The following PRPF18 variants were observed in gnomAD, a reference collection of about 807,000 sequenced individuals.
PRPF18 encodes pre-mRNA-splicing factor 18.
Under a neutral mutation model 46.5 loss-of-function variants are expected in PRPF18, and 38 were observed. The observed-to-expected ratio is 0.82, with a 90% CI of 0.63 to 1.07. The LOEUF is 1.07. PRPF18 is among the 50% of genes least tolerant of loss of function. The pLI, the probability that PRPF18 is intolerant of heterozygous loss-of-function variation, is 0.00. For synonymous variants in PRPF18, 152 were observed against 146.7 expected, an observed-to-expected ratio of 1.04 and a Z score of -0.26; for missense variants, 263 against 410.0, an observed-to-expected ratio of 0.64 and a Z score of 3.10.
chr10:13,636,034 A>G, the PRPF18 span, among the ~76,000 whole-genome samples: 99 of 152,350 alleles, frequency 6.5e-4, no homozygotes, highest in Non-Finnish European at 1.1e-3. Flanking sequence ...AATTGGCAGT[A>G]TGTATAGCTG....
chr10:13,594,803 T>A (rs2080010987), intron 1 of PRPF18, among the ~76,000 whole-genome samples: 1 of 152,250 alleles, frequency 6.6e-6, no homozygotes, highest in South Asian at 2.1e-4. Flanking sequence ...TGTTTTCTTT[T>A]AGCTTTAAGC....
Position 13,608,784 on chromosome 10 carries a change from C to T in PRPF18, c.364-1255C>T, listed in dbSNP as rs115734221. Among the ~76,000 whole-genome samples, 270 of 152,264 alleles carry T rather than the reference C, an allele frequency of 1.8e-3. 1 individual carries two copies. The highest frequency in any genetic ancestry group is 6.0e-3 in the African/African-American group (248 of 41,544). ...TACCTTTGTATGCCAAGTCCTGTGC[C>T]GTGCATCTAGAGGTTTTGAGGACAA... On this transcript the variant is annotated intron_variant, in intron 4 of 9. Transcript: ENST00000378572.
intron 9 of PRPF18, among the ~76,000 whole-genome samples, chr10:13,628,527 A>G (rs1172915468): frequency 1.3e-5 from 2 of 152,198 alleles, no homozygotes; most frequent in Non-Finnish European, 2.9e-5. Context: ...TAGTTATTAT[A>G]TGATATTTAT....
the PRPF18 span, chr10:13,649,602 C>T: frequency 1.3e-5 from 2 of 152,188 alleles, no homozygotes; most frequent in Non-Finnish European, 2.9e-5. Flanking sequence ...ATGTTTTATA[C>T]AGAATCTTTC....
At chr10:13,636,348 G>A in the PRPF18 span, among the ~76,000 whole-genome samples, 1 of 152,204 alleles carries the variant, frequency 6.6e-6, no homozygotes, top group Non-Finnish European at 1.5e-5. Flanking sequence ...GAGCCCAGGA[G>A]GTCGAGGCTG....
chr10:13,591,914 C>T (rs370018375), intron 1 of PRPF18: 24 of 1,375,800 alleles, frequency 1.7e-5, no homozygotes, highest in East Asian at 3.9e-5. Flanking sequence ...AGTTTTCTCA[C>T]GTGTCAACTG....
chr10:13,611,482 A>G, intron 5 of PRPF18, 133 bp from the exon 6 acceptor site: 1 of 696,992 alleles, frequency 1.4e-6, no homozygotes, highest in South Asian at 2.0e-5. Context: ...TTATCTAGAA[A>G]TTCCATCCGA....
chr10:13,653,733 A>C, the PRPF18 span: 1 of 149,632 alleles, frequency 6.7e-6, no homozygotes, highest in Admixed American at 6.6e-5. Context: ...GGGGCAACAG[A>C]AGAGGCAGGT....
downstream of PRPF18, chr10:13,632,433 A>AT (rs1182025821): frequency 3.3e-5 from 5 of 152,170 alleles, no homozygotes; most frequent in African/African-American, 1.2e-4. Context: ...AGCAATCTAG[A>AT]TTTTTTATAT....
At chr10:13,644,986 T>C in the PRPF18 span, 1 of 152,244 alleles carries the variant, frequency 6.6e-6, no homozygotes, top group Non-Finnish European at 1.5e-5. Flanking sequence ...CAGCCATGCA[T>C]GGAGCTGGGG....
At chr10:13,587,967 C>G (rs932753893) in intron 1 of PRPF18, among the ~76,000 whole-genome samples, 2 of 152,156 alleles carry the variant, frequency 1.3e-5, no homozygotes, top group Non-Finnish European at 2.9e-5. Context: ...AAACCCGAGG[C>G]TTTGTTTGTT....
At chr10:13,606,794 T>C (rs1048604588) in intron 4 of PRPF18, among the ~76,000 whole-genome samples, 1 of 149,574 alleles carries the variant, frequency 6.7e-6, no homozygotes, top group Non-Finnish European at 1.5e-5. Context: ...CTTATGCAGA[T>C]CTTTTTTTGG....
Position 13,611,623 on chromosome 10 carries a change from A to C in PRPF18, c.519A>C (p.Gly173=), listed in dbSNP as rs757821818. 4.3e-6 allele frequency: 7 copies of C among 1,613,698 alleles called. No homozygotes were observed. In the Admixed American group the frequency reaches 1.2e-4, roughly 27 times the overall value. ...NTTIEELEAL[G]ESLGKGDDHK... ...TGTTTCTTTTTCTTCAGGCGCTTGG[A>C]GAGTCCTTAGGGAAAGGCGATGATC... The change falls in exon 6 of 10, where the codon GGA becomes GGC. Residue 173 remains glycine (G), a synonymous_variant. Transcript: ENST00000378572.
chr10:13,603,784 C>T (rs2080148360), intron 3 of PRPF18, among the ~76,000 whole-genome samples: 1 of 152,100 alleles, frequency 6.6e-6, no homozygotes, highest in Non-Finnish European at 1.5e-5. Context: ...TCTACATTAC[C>T]ACATGTTTAT....
intron 1 of PRPF18, among the ~76,000 whole-genome samples, chr10:13,590,435 A>G (rs2079941700): frequency 7.8e-6 from 1 of 128,836 alleles, no homozygotes; most frequent in Non-Finnish European, 1.7e-5. Context: ...ATCTCTACTG[A>G]AAATACAAAA....
At chr10:13,629,600 A>C (rs1419999783) in intron 9 of PRPF18, among the ~76,000 whole-genome samples, 1 of 152,234 alleles carries the variant, frequency 6.6e-6, no homozygotes, top group East Asian at 1.9e-4. Context: ...TGCATTTCTA[A>C]GTAATACATT....
At chr10:13,592,309 T>C in intron 1 of PRPF18, 1 of 393,088 alleles carries the variant, frequency 2.5e-6, no homozygotes, top group Non-Finnish European at 4.8e-6. Flanking sequence ...GCTTCTCAAC[T>C]TTTTCACCCA....
chr10:13,643,606 C>G, the PRPF18 span: 1 of 152,518 alleles, frequency 6.6e-6, no homozygotes. Flanking sequence ...ATAAAGGAGC[C>G]CACTGAGGAC....
At chr10:13,604,368 C>T (rs1306133234) in intron 3 of PRPF18, among the ~76,000 whole-genome samples, 4 of 152,128 alleles carry the variant, frequency 2.6e-5, no homozygotes, top group Admixed American at 6.5e-5. Context: ...ACATACATAG[C>T]ATGTATATAA....
Sources: gnomAD v4.1 joint callset for allele counts (sites outside exome capture counted in the v4.1 genomes callset) on GRCh38, gnomAD v4.1.1 for gene constraint, MANE v1.5 for transcripts, NCBI Gene and HGNC (gene_info 2026-07-23, HGNC 2026-07-21) for gene names.